Variants in SLC25A48 observed in about 807,000 individuals in gnomAD.
SLC25A48 encodes the protein CTC-321K16.1.
In SLC25A48, 29 loss-of-function variants were observed where a neutral mutation model predicts 32.2. That is an observed-to-expected ratio of 0.90 (90% CI 0.67 to 1.23). SLC25A48 has a LOEUF of 1.23. Ranked by LOEUF, SLC25A48 falls within the 50% of genes most tolerant of loss-of-function variation. SLC25A48 has a pLI of 0.00. For synonymous variants in SLC25A48, 164 were observed against 172.3 expected (o/e 0.95, Z 0.38); for missense variants, 399 against 422.7 (o/e 0.94, Z 0.49).
At chr5:135,715,066 A>G (rs1210299950) in intron 3 of SLC25A48, among the ~76,000 whole-genome samples, 1 of 152,114 alleles carries the variant, frequency 6.6e-6, no homozygotes, top group Non-Finnish European at 1.5e-5. Context: ...CGCATTGGAG[A>G]GGCAGGAGAC....
intron 3 of SLC25A48, among the ~76,000 whole-genome samples, chr5:135,671,181 G>C (rs984856542): frequency 6.6e-6 from 1 of 152,172 alleles, no homozygotes; most frequent in East Asian, 1.9e-4. Flanking sequence ...AGGAGCTAGA[G>C]GAAGGAAAAG....
At chr5:135,659,507 G>C (rs1417935121) in intron 3 of SLC25A48, among the ~76,000 whole-genome samples, 1 of 152,200 alleles carries the variant, frequency 6.6e-6, no homozygotes, top group Non-Finnish European at 1.5e-5. Context: ...CTTCTTCTGA[G>C]CCCTCCAAAG....
At chr5:135,666,032 T>C (rs545370912) in intron 3 of SLC25A48, among the ~76,000 whole-genome samples, 1 of 152,306 alleles carries the variant, frequency 6.6e-6, no homozygotes, top group East Asian at 1.9e-4. Flanking sequence ...GAAACTCCAA[T>C]GTGTGATTTG....
At chr5:135,585,994 C>G (rs1236309596) in intron 1 of SLC25A48, among the ~76,000 whole-genome samples, 1 of 152,132 alleles carries the variant, frequency 6.6e-6, no homozygotes, top group Non-Finnish European at 1.5e-5. Context: ...CTTACTATGT[C>G]TCAAGGACTG....
At chr5:135,680,195 A>T (rs915253988) in intron 3 of SLC25A48, among the ~76,000 whole-genome samples, 1 of 152,190 alleles carries the variant, frequency 6.6e-6, no homozygotes, top group Non-Finnish European at 1.5e-5. Flanking sequence ...TTGGTTCTTT[A>T]TGAAGGAGGT....
Position 135,888,450 on chromosome 5 carries a change from C to T in SLC25A48, c.*426C>T, listed in dbSNP as rs1263027424. 1 of 208,866 alleles carries T rather than the reference C, an allele frequency of 4.8e-6. No individual in the cohort carries two copies. The highest frequency in any genetic ancestry group is 9.8e-6 in the Non-Finnish European group (1 of 101,868). The allele number at this position is 208,866 out of a possible 1,614,324, so 12.9% of individuals were successfully genotyped here. Reference sequence around the variant, plus strand: ...CACGTCCCCGTGCCTCCAGTCTCCTCTCAGCACCGACCAGGTTTTTCCCCG... The same window carrying T: ...CACGTCCCCGTGCCTCCAGTCTCCTTTCAGCACCGACCAGGTTTTTCCCCG... On this transcript the variant is annotated 3_prime_UTR_variant, in exon 8 of 8. Transcript: ENST00000681962.
chr5:135,767,533 G>A (rs149324085), intron 3 of SLC25A48, among the ~76,000 whole-genome samples: 1,885 of 151,830 alleles, frequency 0.012, 41 homozygotes, highest in African/African-American at 0.042. Context: ...TTTCAATATC[G>A]TAAACACTCT....
At chr5:135,703,344 C>T (rs1013338319) in intron 3 of SLC25A48, among the ~76,000 whole-genome samples, 6 of 152,222 alleles carry the variant, frequency 3.9e-5, no homozygotes, top group East Asian at 3.9e-4. Context: ...CAACCCCACA[C>T]GGCAGCCCAG....
rs1332360451 is a variant in SLC25A48 at position 135,749,709 on chromosome 5, A to G, written c.-520-62814A>G. Among the ~76,000 whole-genome samples the G allele has an allele frequency of 7.9e-5, 12 of 152,118 alleles. No homozygotes were observed. The East Asian group carries it at 2.3e-3, about 29-fold the overall frequency. On this transcript the variant is annotated intron_variant, in intron 3 of 10. Coordinates refer to the SLC25A48 transcript ENST00000646290. ...CGGGTTCAAGCGATTCTCCTGTCTCAGCTTCCTAAGTAGCCGCGATTAGAG... is the reference window on the plus strand; with the variant it reads ...CGGGTTCAAGCGATTCTCCTGTCTCGGCTTCCTAAGTAGCCGCGATTAGAG...
chr5:135,640,940 A>G (rs554111492), intron 3 of SLC25A48, among the ~76,000 whole-genome samples: 1 of 152,354 alleles, frequency 6.6e-6, no homozygotes, highest in African/African-American at 2.4e-5. Flanking sequence ...CAGGAATAAG[A>G]CAAGGATGTC....
chr5:135,720,433 T>A (rs1469251770), intron 3 of SLC25A48, among the ~76,000 whole-genome samples: 1 of 152,216 alleles, frequency 6.6e-6, no homozygotes. Flanking sequence ...TACTTAGGTG[T>A]CCTTCCACCT....
intron 3 of SLC25A48, among the ~76,000 whole-genome samples, chr5:135,775,612 G>A (rs1008291580): frequency 6.6e-6 from 1 of 151,404 alleles, no homozygotes; most frequent in Non-Finnish European, 1.5e-5. Flanking sequence ...TAACGCAGGA[G>A]GTGTACCCCA....
At chr5:135,709,639 G>A (rs1302104911) in intron 3 of SLC25A48, among the ~76,000 whole-genome samples, 1 of 152,216 alleles carries the variant, frequency 6.6e-6, no homozygotes, top group Non-Finnish European at 1.5e-5. Flanking sequence ...AAAGGGCAGG[G>A]TTATTGGAGT....
intron 1 of SLC25A48, among the ~76,000 whole-genome samples, chr5:135,840,525 T>C (rs1758902889): frequency 6.6e-6 from 1 of 152,232 alleles, no homozygotes; most frequent in African/African-American, 2.4e-5. Flanking sequence ...AAAACATTTT[T>C]CTCATGACCA....
rs1753378783 is a variant in SLC25A48 at position 135,660,836 on chromosome 5, G to A, written c.-521+25880G>A. ...TGCTGCATGTCTAACAAGTCCCCGG[G>A]TGCTGCTGCTGCTGGTCCACAGCCC... is the stretch of plus-strand genomic sequence containing the variant. On this transcript the variant is annotated intron_variant, in intron 3 of 10. Transcript: ENST00000646290. Among the ~76,000 whole-genome samples the A allele has an allele frequency of 2.6e-5, 4 of 152,306 alleles. No individual in the cohort carries two copies. The South Asian group carries it at 8.3e-4, about 32-fold the overall frequency.
At position 135,874,103 on chromosome 5, in the gene SLC25A48, T is replaced by C; in HGVS notation, c.762T>C (p.Tyr254=). The C allele has an allele frequency of 2.0e-6, 3 of 1,520,534 alleles. No homozygotes were observed. Among genetic ancestry groups the C allele is most frequent in the Non-Finnish European group, 1.8e-6 (2 of 1,141,464 alleles). 94.2% of individuals were successfully genotyped at this position (1,520,534 alleles called of 1,614,324 possible). A position where few individuals can be genotyped will look rare whatever the true frequency, so the allele number is the denominator to read the frequency against. ...LQADGVYLNK[Y]KGVLDCISQS... is the part of the protein sequence containing the mutation. Reference sequence around the variant, plus strand: ...CTGATGGGGTTTATTTAAACAAATATAAAGGTGTCCTGGACTGTATCTCCC... The same window carrying C: ...CTGATGGGGTTTATTTAAACAAATACAAAGGTGTCCTGGACTGTATCTCCC... Residue 254 remains tyrosine (Y), a synonymous_variant, in exon 6 of 8, where the codon TAT becomes TAC. Transcript: ENST00000681962.
At chr5:135,741,840 T>C (rs559592692) in intron 3 of SLC25A48, among the ~76,000 whole-genome samples, 57 of 152,234 alleles carry the variant, frequency 3.7e-4, no homozygotes, top group Admixed American at 1.1e-3. Context: ...AGTTTGCACA[T>C]CCCTGGCTTC....
chr5:135,688,603 C>T (rs542570700), intron 3 of SLC25A48, among the ~76,000 whole-genome samples: 1 of 152,338 alleles, frequency 6.6e-6, no homozygotes, highest in African/African-American at 2.4e-5. Context: ...CATTCACATT[C>T]CCTGTAAACA....
intron 1 of SLC25A48, among the ~76,000 whole-genome samples, chr5:135,628,502 G>A (rs114362426): frequency 1.3e-5 from 2 of 152,110 alleles, no homozygotes; most frequent in South Asian, 4.1e-4. Flanking sequence ...AACAGAAGAC[G>A]GGTGACATCA....
Sources: allele counts gnomAD v4.1 joint callset (sites outside exome capture counted in the v4.1 genomes callset), GRCh38; gene constraint gnomAD v4.1.1; transcripts MANE v1.5; gene names NCBI Gene and HGNC (gene_info 2026-07-23, HGNC 2026-07-21).